Variants in STXBP6 observed in about 807,000 individuals in gnomAD.
STXBP6 encodes syntaxin binding protein 6, also known as syntaxin-binding protein 6.
In STXBP6, 21 loss-of-function variants were observed where a neutral mutation model predicts 26.9. That is an observed-to-expected ratio of 0.78 (90% confidence interval 0.55 to 1.12). The LOEUF is 1.12. STXBP6 is among the 50% of genes most tolerant of loss of function. The probability of loss-of-function intolerance (pLI) is 0.00; values close to 1 mark genes in which losing one functional copy is unlikely to be tolerated. For missense variants in STXBP6, 232 were observed against 257.9 expected, an observed-to-expected ratio of 0.90 and a Z score of 0.69; for synonymous variants, 97 against 92.6, an observed-to-expected ratio of 1.05 and a Z score of -0.27.
At chr14:24,993,925 T>C (rs1043034483) in intron 1 of STXBP6, among the ~76,000 whole-genome samples, 2 of 152,148 alleles carry the variant, frequency 1.3e-5, no homozygotes, top group African/African-American at 4.8e-5. Context: ...TGAGTTTTCT[T>C]GGTTTAGCTA....
chr14:25,048,083 A>G (rs2075752732), intron 1 of STXBP6, among the ~76,000 whole-genome samples: 1 of 152,238 alleles, frequency 6.6e-6, no homozygotes, highest in Admixed American at 6.5e-5. Flanking sequence ...GAAAAAGGGT[A>G]AACAGATGCT....
At chr14:24,918,460 AC>A (rs1324992082) in intron 2 of STXBP6, among the ~76,000 whole-genome samples, 1 of 115,944 alleles carries the variant, frequency 8.6e-6, no homozygotes, top group Non-Finnish European at 1.9e-5. Flanking sequence ...CACCACACAC[AC>A]ACACACACAC....
chr14:25,049,543 G>GA lies in STXBP6; in HGVS notation c.-33+334dup, dbSNP rs920362830. On this transcript the variant is annotated intron_variant, in intron 1 of 5. Coordinates refer to ENST00000323944, the MANE Select transcript of STXBP6 (RefSeq NM_001394410.1). This position sits in a 1 kb window ranked among gnomAD's most constrained non-coding sequence, Gnocchi z 5.6. The stretch of plus-strand genomic sequence containing the variant: ...CCCATGCCATCGCGGGGACGGTGCG[G>GA]AAAAAAAGGCTCCATCCTCAACTTT... The GA allele has an allele frequency of 1.5e-5, 15 of 985,270 alleles. No individual in the cohort carries two copies. Among genetic ancestry groups the GA allele is most frequent in the African/African-American group, 1.7e-5 (1 of 57,186 alleles). The allele number at this position is 985,270 out of a possible 1,614,324, so 61.0% of individuals were successfully genotyped here. A position where few individuals can be genotyped will look rare whatever the true frequency, so the allele number is the denominator to read the frequency against.
At chr14:24,904,413 A>AT (rs1002096131) in intron 2 of STXBP6, among the ~76,000 whole-genome samples, 2 of 152,030 alleles carry the variant, frequency 1.3e-5, no homozygotes, top group Non-Finnish European at 2.9e-5. Context: ...CTAGGAAATT[A>AT]TTTTTTTGTA....
intron 5 of STXBP6, among the ~76,000 whole-genome samples, chr14:24,813,034 C>A (rs1342178513): frequency 6.6e-6 from 1 of 152,044 alleles, no homozygotes; most frequent in African/African-American, 2.4e-5. Context: ...AATGAAAAAA[C>A]CAATGGACAG....
chr14:24,849,064 A>T (rs2069058546), intron 4 of STXBP6, among the ~76,000 whole-genome samples: 1 of 152,268 alleles, frequency 6.6e-6, no homozygotes, highest in Non-Finnish European at 1.5e-5. Flanking sequence ...CAGTGGGTAC[A>T]CTGCTGGGGT....
chr14:24,918,440 A>T (rs2071847842), intron 2 of STXBP6, among the ~76,000 whole-genome samples: 1 of 133,412 alleles, frequency 7.5e-6, no homozygotes. Context: ...TTTCTTAAAA[A>T]CCACACCCCC....
intron 2 of STXBP6, among the ~76,000 whole-genome samples, chr14:24,883,092 T>A (rs2070434321): frequency 6.6e-6 from 1 of 152,176 alleles, no homozygotes; most frequent in East Asian, 1.9e-4. Flanking sequence ...TATAAAATAT[T>A]TAGTGACATG....
At chr14:24,925,179 A>G (rs952063865) in intron 2 of STXBP6, among the ~76,000 whole-genome samples, 1 of 152,206 alleles carries the variant, frequency 6.6e-6, no homozygotes, top group African/African-American at 2.4e-5. Context: ...AATTACCTCA[A>G]TGCATTTTCA....
At chr14:24,950,378 C>T (rs973131453) in intron 2 of STXBP6, among the ~76,000 whole-genome samples, 1 of 152,094 alleles carries the variant, frequency 6.6e-6, no homozygotes, top group Non-Finnish European at 1.5e-5. Context: ...AAGACATGTA[C>T]CAGAATGTTC....
At chr14:24,906,261 G>T (rs1402933027) in intron 2 of STXBP6, among the ~76,000 whole-genome samples, 1 of 151,908 alleles carries the variant, frequency 6.6e-6, no homozygotes, top group Admixed American at 6.6e-5. Context: ...TTACCCTATA[G>T]GCTAAAAATA....
intron 1 of STXBP6, among the ~76,000 whole-genome samples, chr14:25,024,946 A>G (rs1350245270): frequency 6.6e-6 from 1 of 152,108 alleles, no homozygotes; most frequent in Non-Finnish European, 1.5e-5. Context: ...TGTTGTTTCT[A>G]TGTTTCAAAA....
At chr14:24,879,512 A>G (rs2070275745) in intron 2 of STXBP6, among the ~76,000 whole-genome samples, 1 of 152,084 alleles carries the variant, frequency 6.6e-6, no homozygotes, top group Non-Finnish European at 1.5e-5. Context: ...ATTTCTTTTC[A>G]TTCGGACTCC....
At chr14:24,896,049 G>A (rs564993436) in intron 2 of STXBP6, among the ~76,000 whole-genome samples, 270 of 152,206 alleles carry the variant, frequency 1.8e-3, no homozygotes, top group Non-Finnish European at 1.4e-3. Context: ...CTACAAGAAG[G>A]ATCTCTCCAA....
At chr14:24,815,111 G>A (rs889390415) in intron 5 of STXBP6, among the ~76,000 whole-genome samples, 2 of 152,172 alleles carry the variant, frequency 1.3e-5, no homozygotes, top group African/African-American at 4.8e-5. Context: ...AAAGAGCACT[G>A]CATGAAATGA....
chr14:24,959,935 G>A (rs1238936755), intron 2 of STXBP6, among the ~76,000 whole-genome samples: 1 of 152,208 alleles, frequency 6.6e-6, no homozygotes, highest in Non-Finnish European at 1.5e-5. Context: ...TGTACTAAAA[G>A]CAAAGTCACA....
intron 2 of STXBP6, among the ~76,000 whole-genome samples, chr14:24,905,330 T>C (rs1249092389): frequency 6.6e-6 from 1 of 152,210 alleles, no homozygotes; most frequent in African/African-American, 2.4e-5. Flanking sequence ...TGCTCATCAG[T>C]AAAATAGGCT....
At chr14:24,998,196 C>T (rs1209520615) in intron 1 of STXBP6, among the ~76,000 whole-genome samples, 2 of 152,000 alleles carry the variant, frequency 1.3e-5, no homozygotes, top group Non-Finnish European at 2.9e-5. Context: ...CTAGTTGTTG[C>T]CAATCTGATA....
intron 1 of STXBP6, among the ~76,000 whole-genome samples, chr14:25,011,663 G>A (rs2075035329): frequency 6.6e-6 from 1 of 152,110 alleles, no homozygotes; most frequent in African/African-American, 2.4e-5. Flanking sequence ...ATACTGTTCA[G>A]TGATAAAAAT....
Sources: gnomAD v4.1 joint callset for allele counts (sites outside exome capture counted in the v4.1 genomes callset) on GRCh38, gnomAD v4.1.1 for gene constraint, Gnocchi (gnomAD v3.1) non-coding constraint, MANE v1.5 for transcripts, NCBI Gene and HGNC (gene_info 2026-07-23, HGNC 2026-07-21) for gene names.